The following FBH1 variants were observed in gnomAD, a reference collection of about 807,000 sequenced individuals.
The protein encoded by FBH1 is F-box DNA helicase 1.
In FBH1, 43 loss-of-function variants were observed where a neutral mutation model predicts 115.5. That is an observed-to-expected ratio of 0.37 (90% CI 0.29 to 0.48). FBH1 has a LOEUF of 0.48. FBH1 is among the 20% of genes least tolerant of loss of function. The pLI, the probability that FBH1 is intolerant of heterozygous loss-of-function variation, is 0.99. For synonymous variants in FBH1, 524 were observed against 507.8 expected (o/e 1.03, Z -0.43); for missense variants, 1,001 against 1,337.3 (o/e 0.75, Z 3.92).
chr10:5,936,705 G>A lies in FBH1; in HGVS notation c.2961+118G>A. ...GAGAGCTGTGTGATCCTTTATTAGG[G>A]GCTTTTCATATGAGAGGCACAAGAG... On this transcript the variant is annotated intron_variant, in intron 20 of 20. Transcript: ENST00000362091. The surrounding 1 kb of genome is among the most constrained non-coding windows in gnomAD (Gnocchi z 5.6). 7.5e-7 allele frequency: 1 copy of A among 1,336,976 alleles called. No homozygotes were observed. Among genetic ancestry groups the A allele is most frequent in the Non-Finnish European group, 1.0e-6 (1 of 963,386 alleles). 82.8% of individuals were successfully genotyped at this position (1,336,976 alleles called of 1,614,324 possible).
chr10:5,923,784 C>G lies in FBH1; in HGVS notation c.2398+88C>G. ...AAGCAGGCCCAGTCTGAGTCAGGGA[C>G]CCGTTTCCCTCCAGAGAAGGGCGAG... On this transcript the variant is annotated intron_variant, in intron 16 of 20. Transcript: ENST00000362091. This position sits in a 1 kb window ranked among gnomAD's most constrained non-coding sequence, Gnocchi z 5.7. 7.9e-7 allele frequency: 1 copy of G among 1,260,564 alleles called. No individual in the cohort carries two copies. Among genetic ancestry groups the G allele is most frequent in the Non-Finnish European group, 1.1e-6 (1 of 879,066 alleles). 78.1% of individuals were successfully genotyped at this position (1,260,564 alleles called of 1,614,324 possible). A position where few individuals can be genotyped will look rare whatever the true frequency, so the allele number is the denominator to read the frequency against.
Position 5,910,886 on chromosome 10 carries a change from A to G in FBH1, c.1021-52A>G. On this transcript the variant is annotated intron_variant, in intron 5 of 20. Transcript: ENST00000362091. This position sits in a 1 kb window ranked among gnomAD's most constrained non-coding sequence, Gnocchi z 4.8. ...CTGACTCCTTCCTGCTGTGATTCGT[A>G]TTAACCATGGCCTGTGGGCTGTCCC... The G allele has an allele frequency of 1.3e-6, 2 of 1,517,214 alleles. No homozygotes were observed. Among genetic ancestry groups the G allele is most frequent in the East Asian group, 2.3e-5 (1 of 43,846 alleles). 94.0% of individuals were successfully genotyped at this position (1,517,214 alleles called of 1,614,324 possible). A position where few individuals can be genotyped will look rare whatever the true frequency, so the allele number is the denominator to read the frequency against.
At position 5,923,873 on chromosome 10, in the gene FBH1, A is replaced by G; in HGVS notation, c.2398+177A>G. ...GGGCCTCCTGTTTTCATAGGTACTGACAGATTTTTCCAGATCCTCCTCACA... is the reference window on the plus strand; with the variant it reads ...GGGCCTCCTGTTTTCATAGGTACTGGCAGATTTTTCCAGATCCTCCTCACA... On this transcript the variant is annotated intron_variant, in intron 16 of 20. Transcript: ENST00000362091. The surrounding 1 kb of genome is among the most constrained non-coding windows in gnomAD (Gnocchi z 5.7). The G allele has an allele frequency of 1.6e-6, 1 of 609,454 alleles. No individual in the cohort carries two copies. The highest frequency in any genetic ancestry group is 2.8e-5 in the East Asian group (1 of 35,596). 37.8% of individuals were successfully genotyped at this position (609,454 alleles called of 1,614,324 possible). A position where few individuals can be genotyped will look rare whatever the true frequency, so the allele number is the denominator to read the frequency against.
chr10:5,928,233 C>T (rs891745512), intron 19 of FBH1: 5 of 149,766 alleles, frequency 3.3e-5, no homozygotes, highest in African/African-American at 4.9e-5. Context: ...TCACTGTAAC[C>T]TGGAACTCCT....
rs1053823371 is a variant in FBH1 at position 5,924,015 on chromosome 10, G to A, written c.2399-296G>A. On this transcript the variant is annotated intron_variant, in intron 16 of 20. Coordinates refer to ENST00000362091, the MANE Select transcript of FBH1 (RefSeq NM_178150.3). The surrounding 1 kb of genome is among the most constrained non-coding windows in gnomAD (Gnocchi z 6.2). The stretch of plus-strand genomic sequence containing the variant: ...CACGTGGGCCCCAAGTGATAGCGTC[G>A]AGCATTTCTATAGCGCTTTTCTTTT... 20 of 559,594 alleles carry A rather than the reference G, an allele frequency of 3.6e-5. No homozygotes were observed. Among genetic ancestry groups the A allele is most frequent in the East Asian group, 3.0e-5 (1 of 33,412 alleles). 34.7% of individuals were successfully genotyped at this position (559,594 alleles called of 1,614,324 possible).
Position 5,913,503 on chromosome 10 carries a change from G to A in FBH1, c.1212-244G>A, listed in dbSNP as rs541736936. ...GCGCCCCTCATTCCCTGAAGAGCCC[G>A]TCCTGGTCTCTTCCTCCTCTTGGAG... On this transcript the variant is annotated intron_variant, in intron 6 of 20. Coordinates refer to ENST00000362091, the MANE Select transcript of FBH1 (RefSeq NM_178150.3). The surrounding 1 kb of genome is among the most constrained non-coding windows in gnomAD (Gnocchi z 4.4). 3.3e-5 allele frequency among the ~76,000 whole-genome samples: 5 copies of A among 152,060 alleles called. No individual in the cohort carries two copies. The highest frequency in any genetic ancestry group is 4.1e-4 in the South Asian group (2 of 4,830).
intron 19 of FBH1, chr10:5,928,282 C>G (rs972912009): frequency 7.3e-5 from 11 of 151,320 alleles, no homozygotes; most frequent in African/African-American, 2.7e-4. Context: ...TCCTGAGTAA[C>G]TGGGACTACA....
In FBH1 at chr10:5,921,692, C is replaced by A; in HGVS notation, c.2322+123C>A. The stretch of plus-strand genomic sequence containing the variant: ...AAAGCATTTGGGTTTTTGACTCTTT[C>A]CACCAGGCTGCACCATGAGTGGTCT... On this transcript the variant is annotated intron_variant, in intron 15 of 20. Coordinates refer to ENST00000362091, the MANE Select transcript of FBH1 (RefSeq NM_178150.3). This position sits in a 1 kb window ranked among gnomAD's most constrained non-coding sequence, Gnocchi z 6.4. The A allele has an allele frequency of 7.6e-7, 1 of 1,311,060 alleles. No individual in the cohort carries two copies. The highest frequency in any genetic ancestry group is 1.0e-6 in the Non-Finnish European group (1 of 970,338). The allele number at this position is 1,311,060 out of a possible 1,614,324, so 81.2% of individuals were successfully genotyped here.
chr10:5,923,446 G>A lies in FBH1; in HGVS notation c.2323-175G>A. On this transcript the variant is annotated intron_variant, in intron 15 of 20. Coordinates refer to ENST00000362091, the MANE Select transcript of FBH1 (RefSeq NM_178150.3). The surrounding 1 kb of genome is among the most constrained non-coding windows in gnomAD (Gnocchi z 5.7). ...AGCCTTGCGCTTTCTGCTTCATGAA[G>A]TTTCCTGCTTGCCGCCTGTGCTTTG... is the stretch of plus-strand genomic sequence containing the variant. 3.5e-6 allele frequency: 2 copies of A among 575,504 alleles called. No homozygotes were observed. The highest frequency in any genetic ancestry group is 4.1e-5 in the South Asian group (2 of 49,062). The allele number at this position is 575,504 out of a possible 1,614,324, so 35.6% of individuals were successfully genotyped here. A position where few individuals can be genotyped will look rare whatever the true frequency, so the allele number is the denominator to read the frequency against.
At chr10:5,926,095 A>G (rs567847680) in intron 18 of FBH1, among the ~76,000 whole-genome samples, 16 of 130,448 alleles carry the variant, frequency 1.2e-4, no homozygotes, top group Admixed American at 6.1e-4. Context: ...TGTTGTTGTT[A>G]TTATTATTCT....
rs1394153780 is a variant in FBH1 at position 5,915,714 on chromosome 10, A to G, written c.1565+143A>G. 1 of 695,280 alleles carries G rather than the reference A, an allele frequency of 1.4e-6. No individual in the cohort carries two copies. Among genetic ancestry groups the G allele is most frequent in the Non-Finnish European group, 2.4e-6 (1 of 417,740 alleles). The allele number at this position is 695,280 out of a possible 1,614,324, so 43.1% of individuals were successfully genotyped here. A position where few individuals can be genotyped will look rare whatever the true frequency, so the allele number is the denominator to read the frequency against. On this transcript the variant is annotated intron_variant, in intron 9 of 20. Coordinates refer to ENST00000362091, the MANE Select transcript of FBH1 (RefSeq NM_178150.3). This position sits in a 1 kb window ranked among gnomAD's most constrained non-coding sequence, Gnocchi z 5.2. Reference sequence around the variant, plus strand: ...TATCTCCACTTACAGGCAGGAAACAAATACATAGGTTTAGCCATTTGTACT... The same window carrying G: ...TATCTCCACTTACAGGCAGGAAACAGATACATAGGTTTAGCCATTTGTACT...
chr10:5,890,350 CG>C lies in FBH1; in HGVS notation c.1+5del, dbSNP rs1842625720. 5.3e-6 allele frequency: 2 copies of C among 375,142 alleles called. No homozygotes were observed. The highest frequency in any genetic ancestry group is 9.9e-6 in the Non-Finnish European group (2 of 201,428). 23.2% of individuals were successfully genotyped at this position (375,142 alleles called of 1,614,324 possible). ...GGTCCGGGTCCGGAGCGCCACAGTG[CG>C]TGAGGCCGCAGACGTGGCAGGGAGT... On this transcript the variant is annotated splice_donor_5th_base_variant and intron_variant, in intron 1 of 20. Transcript: ENST00000362091.
chr10:5,890,141 T>G, upstream of FBH1: 6 of 319,366 alleles, frequency 1.9e-5, no homozygotes, highest in Non-Finnish European at 1.7e-5. Context: ...CGCGTCCCGA[T>G]TGGTCGCGGG....
chr10:5,904,224 G>T (rs1756210780), intron 2 of FBH1, among the ~76,000 whole-genome samples: 1 of 151,904 alleles, frequency 6.6e-6, no homozygotes, highest in African/African-American at 2.4e-5. Context: ...GTAGAGACAG[G>T]GTTTTGCTAC....
rs564452512 is a variant in FBH1, at chr10:5,910,508, G to A, written c.1021-430G>A. ...TTTATTTTCCCCACAGCCTGCGTGCGGCCCTCTCCTGTGTCTGCGTCTCTC... is the reference window on the plus strand; with the variant it reads ...TTTATTTTCCCCACAGCCTGCGTGCAGCCCTCTCCTGTGTCTGCGTCTCTC... On this transcript the variant is annotated intron_variant, in intron 5 of 20. Transcript: ENST00000362091. The surrounding 1 kb of genome is among the most constrained non-coding windows in gnomAD (Gnocchi z 4.8). 3.3e-5 allele frequency among the ~76,000 whole-genome samples: 5 copies of A among 152,178 alleles called. No individual in the cohort carries two copies. The highest frequency in any genetic ancestry group is 4.2e-4 in the South Asian group (2 of 4,812).
chr10:5,917,624 G>A lies in FBH1; in HGVS notation c.1911G>A (p.Ser637=), dbSNP rs369114224. 65 of 1,613,974 alleles carry A rather than the reference G, an allele frequency of 4.0e-5. No homozygotes were observed. Among genetic ancestry groups the A allele is most frequent in the Middle Eastern group, 1.6e-4 (1 of 6,084 alleles). Residue 637 remains serine (S), a synonymous_variant, in exon 12 of 21, where the codon TCG becomes TCA. Transcript: ENST00000362091. The surrounding 1 kb of genome is among the most constrained non-coding windows in gnomAD (Gnocchi z 5.6). ...AACTCTGGCAGCTGAGCAAGCCTTC[G>A]CTGGCCTCTTTTGACGCCATCTTTG... ...YLKLWQLSKP[S]LASFDAIFVD... is the part of the protein sequence containing the mutation.
rs991029943 is a variant in FBH1 at position 5,931,445 on chromosome 10, T to C, written c.2829+3904T>C. ...CACGTTCAGCCATCATAAATTGTGT[T>C]CCATAATCTAATTCACATTTAACAC... On this transcript the variant is annotated intron_variant, in intron 19 of 20. Transcript: ENST00000362091. This position sits in a 1 kb window ranked among gnomAD's most constrained non-coding sequence, Gnocchi z 4.3. 6.6e-6 allele frequency among the ~76,000 whole-genome samples: 1 copy of C among 152,350 alleles called. No individual in the cohort carries two copies. Among genetic ancestry groups the C allele is most frequent in the Middle Eastern group, 3.4e-3 (1 of 294 alleles).
At position 5,895,434 on chromosome 10, in the gene FBH1, C is replaced by T. The variant is rs1252833000; in HGVS notation, c.1+5088C>T. Among the ~76,000 whole-genome samples the T allele has an allele frequency of 6.6e-6, 1 of 151,932 alleles. No individual in the cohort carries two copies. The highest frequency in any genetic ancestry group is 2.4e-5 in the African/African-American group (1 of 41,338). ...TCATCTTGTCCATTTAGGTCTGTAA[C>T]CTAAAAGTTTTAAAGGACTTTTTGG... On this transcript the variant is annotated intron_variant, in intron 1 of 20. Coordinates refer to ENST00000362091, the MANE Select transcript of FBH1 (RefSeq NM_178150.3). The surrounding 1 kb of genome is among the most constrained non-coding windows in gnomAD (Gnocchi z 5.0).
In FBH1 at chr10:5,897,395, C is replaced by CACAGGGCTCCTGT. The variant is rs1564430422; in HGVS notation, c.2-5625_2-5624insACAGGGCTCCTGT. ...AGAGGAGGTGGACACAGGGCTCCTG[C>CACAGGGCTCCTGT]GGAGGAGGTGGACACAGGGCTCCTG... On this transcript the variant is annotated intron_variant, in intron 1 of 20. Transcript: ENST00000362091. This position sits in a 1 kb window ranked among gnomAD's most constrained non-coding sequence, Gnocchi z 4.7. 3.3e-5 allele frequency among the ~76,000 whole-genome samples: 5 copies of CACAGGGCTCCTGT among 150,792 alleles called. No individual in the cohort carries two copies. The highest frequency in any genetic ancestry group is 1.3e-4 in the Admixed American group (2 of 15,214).
Sources: allele counts gnomAD v4.1 joint callset (sites outside exome capture counted in the v4.1 genomes callset), GRCh38; gene constraint gnomAD v4.1.1; non-coding constraint Gnocchi (gnomAD v3.1); transcripts MANE v1.5; gene names NCBI Gene and HGNC (gene_info 2026-07-23, HGNC 2026-07-21).